Variants in LDLRAD3 observed in about 807,000 individuals in gnomAD.
LDLRAD3 encodes low density lipoprotein receptor class A domain containing 3.
LDLRAD3 carries 20 observed loss-of-function variants against 29.4 expected under a neutral mutation model. The ratio of observed to expected loss-of-function variants is 0.68; its 90% CI spans 0.48 to 0.99. LDLRAD3 has a LOEUF of 0.99. LDLRAD3 is among the 50% of genes least tolerant of loss of function. The pLI is 0.00. For missense variants in LDLRAD3, 420 were observed against 454.3 expected, an observed-to-expected ratio of 0.92 and a Z score of 0.69; for synonymous variants, 157 against 192.7, an observed-to-expected ratio of 0.81 and a Z score of 1.53.
chr11:35,959,055 C>T (rs1474062606), intron 1 of LDLRAD3, among the ~76,000 whole-genome samples: 1 of 152,176 alleles, frequency 6.6e-6, no homozygotes, highest in African/African-American at 2.4e-5. Context: ...GGTGTCGGTA[C>T]CATAGTGATC....
At chr11:36,159,418 G>A (rs1015697992) in intron 4 of LDLRAD3, among the ~76,000 whole-genome samples, 4 of 151,540 alleles carry the variant, frequency 2.6e-5, no homozygotes, top group African/African-American at 7.3e-5. Flanking sequence ...GCGGTGAGCC[G>A]TGAGCACGCC....
At chr11:36,145,111 G>GT in intron 4 of LDLRAD3, among the ~76,000 whole-genome samples, 1 of 107,174 alleles carries the variant, frequency 9.3e-6, no homozygotes, top group Admixed American at 8.2e-5. Context: ...GGAGGTTGGG[G>GT]GGTCAGCCCC....
At chr11:36,185,099 A>G (rs909210729) in intron 4 of LDLRAD3, among the ~76,000 whole-genome samples, 2 of 152,162 alleles carry the variant, frequency 1.3e-5, no homozygotes, top group Non-Finnish European at 2.9e-5. Context: ...AGCTCGCCAT[A>G]TTACTAGAAC....
chr11:35,961,913 T>C (rs889051163), intron 1 of LDLRAD3, among the ~76,000 whole-genome samples: 6 of 152,258 alleles, frequency 3.9e-5, no homozygotes, highest in African/African-American at 1.4e-4. Context: ...TTATACTCTT[T>C]TAGTTATTTT....
At chr11:36,049,147 T>C (rs560747589) in intron 2 of LDLRAD3, among the ~76,000 whole-genome samples, 14 of 152,314 alleles carry the variant, frequency 9.2e-5, no homozygotes, top group East Asian at 7.7e-4. Flanking sequence ...CTGCAAAATA[T>C]AGTCAGTGGT....
intron 3 of LDLRAD3, among the ~76,000 whole-genome samples, chr11:36,089,863 C>T (rs1313396174): frequency 2.0e-5 from 3 of 151,204 alleles, no homozygotes; most frequent in Admixed American, 6.6e-5. Flanking sequence ...CCTCCCACTT[C>T]AGCAACCTGA....
At position 36,213,166 on chromosome 11, in the gene LDLRAD3, T is replaced by C. The variant is rs1855306919; in HGVS notation, c.455-13919T>C. Among the ~76,000 whole-genome samples, 1 of 151,184 alleles carries C rather than the reference T, an allele frequency of 6.6e-6. No individual in the cohort carries two copies. The highest frequency in any genetic ancestry group is 6.6e-5 in the Admixed American group (1 of 15,186). Reference sequence around the variant, plus strand: ...TGAATTTAATCCTCGGGCACTTGTCTCCCAGCTCTCAATGGTCCTGGTTCC... The same window carrying C: ...TGAATTTAATCCTCGGGCACTTGTCCCCCAGCTCTCAATGGTCCTGGTTCC... On this transcript the variant is annotated intron_variant, in intron 4 of 5. Transcript: ENST00000315571. The surrounding 1 kb of genome is among the most constrained non-coding windows in gnomAD (Gnocchi z 4.1).
intron 4 of LDLRAD3, chr11:36,196,216 A>G (rs937556357): frequency 6.6e-6 from 1 of 152,182 alleles, no homozygotes. Context: ...GAAATGGTAG[A>G]AAATGTGTTC....
At chr11:36,052,924 C>A (rs1279349376) in intron 2 of LDLRAD3, among the ~76,000 whole-genome samples, 17 of 151,294 alleles carry the variant, frequency 1.1e-4, no homozygotes, top group Admixed American at 7.2e-4. Flanking sequence ...GTCATAAGGA[C>A]CAATCAGGAT....
chr11:36,204,886 G>A (rs1008064139), intron 4 of LDLRAD3, among the ~76,000 whole-genome samples: 15 of 152,258 alleles, frequency 9.9e-5, no homozygotes, highest in African/African-American at 3.4e-4. Context: ...CCTGTCTCCT[G>A]CCAGACAGTC....
intron 4 of LDLRAD3, among the ~76,000 whole-genome samples, chr11:36,214,191 GAGTGGGGAGAA>G (rs1289783410): frequency 6.6e-6 from 1 of 152,218 alleles, no homozygotes; most frequent in African/African-American, 2.4e-5. Context: ...AGAGAGAGGA[GAGTGGGGAGAA>G]AGTGGGGGTG....
intron 4 of LDLRAD3, among the ~76,000 whole-genome samples, chr11:36,174,359 C>T (rs915676712): frequency 2.0e-5 from 3 of 152,094 alleles, no homozygotes; most frequent in African/African-American, 7.2e-5. Context: ...CCAAAATTGA[C>T]AAGTGGGATC....
intron 4 of LDLRAD3, among the ~76,000 whole-genome samples, chr11:36,205,737 T>C (rs897904620): frequency 3.3e-5 from 5 of 152,320 alleles, no homozygotes; most frequent in African/African-American, 1.2e-4. Flanking sequence ...AAAAATACAA[T>C]TAGCTGAGTC....
rs148216986 is a variant in LDLRAD3 at position 36,229,246 on chromosome 11, G to A, written c.887G>A (p.Arg296Gln). Reference sequence around the variant, plus strand: ...GCCGACCTGCCCCCCTACCGCTCCCGGTCCGGGAGTGCCAACAGTGCCAGC... The same window carrying A: ...GCCGACCTGCCCCCCTACCGCTCCCAGTCCGGGAGTGCCAACAGTGCCAGC... ...NQADLPPYRS[R>Q]SGSANSASSQ... The change falls in exon 6 of 6, where the codon CGG becomes CAG. Residue 296 changes from arginine (R) to glutamine (Q), a missense_variant. Transcript: ENST00000315571. 213 of 1,613,962 alleles carry A rather than the reference G, an allele frequency of 1.3e-4. 1 individual carries two copies. The African/African-American group carries it at 2.0e-3, about 15-fold the overall frequency.
At chr11:36,190,904 A>G (rs1033757713) in intron 4 of LDLRAD3, among the ~76,000 whole-genome samples, 2 of 152,238 alleles carry the variant, frequency 1.3e-5, no homozygotes, top group African/African-American at 4.8e-5. Context: ...CAGTCTTCTC[A>G]ATAACATTGG....
chr11:36,207,138 C>T (rs959451470), intron 4 of LDLRAD3, among the ~76,000 whole-genome samples: 4 of 152,250 alleles, frequency 2.6e-5, no homozygotes, highest in East Asian at 1.9e-4. Context: ...AGGGGGTTTC[C>T]GTTCCTTGTG....
At chr11:36,209,120 A>C (rs1855249337) in intron 4 of LDLRAD3, among the ~76,000 whole-genome samples, 1 of 152,240 alleles carries the variant, frequency 6.6e-6, no homozygotes, top group Non-Finnish European at 1.5e-5. Context: ...TCTACAAAAT[A>C]ACTTCTCGAT....
rs140661807 is a variant in LDLRAD3, at chr11:36,058,201, G to A, written c.193+21952G>A. On this transcript the variant is annotated intron_variant, in intron 2 of 5. Transcript: ENST00000315571. ...GCTCCTTCCCTCCTGCTCTCCGCCC[G>A]CCAGCTCTGTCTCACACCCTGGTGC... Among the ~76,000 whole-genome samples the A allele has an allele frequency of 7.7e-3, 1,179 of 152,176 alleles. 47 individuals carry two copies. Among genetic ancestry groups the A allele is most frequent in the Admixed American group, 0.071 (1,078 of 15,270 alleles).
chr11:36,019,357 C>T (rs1852064390), intron 1 of LDLRAD3, among the ~76,000 whole-genome samples: 1 of 152,238 alleles, frequency 6.6e-6, no homozygotes, highest in African/African-American at 2.4e-5. Context: ...TGGAGATGTG[C>T]TGGCACTCTG....
Sources: allele counts gnomAD v4.1 joint callset (sites outside exome capture counted in the v4.1 genomes callset), GRCh38; gene constraint gnomAD v4.1.1; non-coding constraint Gnocchi (gnomAD v3.1); transcripts MANE v1.5; gene names NCBI Gene and HGNC (gene_info 2026-07-23, HGNC 2026-07-21).